Variants in CNTN5 observed in about 807,000 individuals in gnomAD.
The protein encoded by CNTN5 is contactin 5.
CNTN5 carries 77 observed loss-of-function variants against 129.1 expected under a neutral mutation model. The ratio of observed to expected loss-of-function variants is 0.60; its 90% CI spans 0.50 to 0.72. The LOEUF (loss-of-function observed/expected upper bound fraction) is 0.72. CNTN5 is among the 30% of genes least tolerant of loss of function. The pLI, the probability that CNTN5 is intolerant of heterozygous loss-of-function variation, is 0.00. For synonymous variants in CNTN5, 509 were observed against 465.6 expected, an observed-to-expected ratio of 1.09 and a Z score of -1.20; for missense variants, 1,478 against 1,328.8, an observed-to-expected ratio of 1.11 and a Z score of -1.75.
intron 3 of CNTN5, among the ~76,000 whole-genome samples, chr11:99,705,459 A>T (rs1291336930): frequency 6.6e-6 from 1 of 151,346 alleles, no homozygotes; most frequent in East Asian, 1.9e-4. Context: ...ACAACTACAG[A>T]GGTGATTGTG....
chr11:99,340,321 G>A (rs1226803957), intron 2 of CNTN5, among the ~76,000 whole-genome samples: 1 of 152,128 alleles, frequency 6.6e-6, no homozygotes, highest in African/African-American at 2.4e-5. Flanking sequence ...TGAGTTGTCT[G>A]GAGATATAAA....
At chr11:100,315,961 C>T (rs1422875523) in intron 21 of CNTN5, among the ~76,000 whole-genome samples, 1 of 152,134 alleles carries the variant, frequency 6.6e-6, no homozygotes, top group East Asian at 1.9e-4. Flanking sequence ...CATGAATAAC[C>T]ATGACTGTCC....
intron 6 of CNTN5, among the ~76,000 whole-genome samples, chr11:99,851,471 A>G (rs1947871631): frequency 6.6e-6 from 1 of 152,168 alleles, no homozygotes; most frequent in African/African-American, 2.4e-5. Flanking sequence ...ACCATATAAA[A>G]CTTTGTCACT....
intron 3 of CNTN5, among the ~76,000 whole-genome samples, chr11:99,568,312 T>C (rs1306813290): frequency 6.6e-6 from 1 of 152,224 alleles, no homozygotes; most frequent in African/African-American, 2.4e-5. Flanking sequence ...TATTATAAAG[T>C]AATGCTCCAA....
chr11:99,654,861 C>T (rs1273633103), intron 3 of CNTN5, among the ~76,000 whole-genome samples: 1 of 150,924 alleles, frequency 6.6e-6, no homozygotes, highest in South Asian at 2.1e-4. Flanking sequence ...ATGTACACAG[C>T]AAGTCAGTGT....
intron 20 of CNTN5, among the ~76,000 whole-genome samples, chr11:100,304,610 C>T (rs149563582): frequency 1.3e-5 from 2 of 151,636 alleles, no homozygotes; most frequent in Non-Finnish European, 1.5e-5. Context: ...CCAACACAAA[C>T]ATTCTTGAGA....
At chr11:99,970,266 A>G (rs984884495) in intron 8 of CNTN5, among the ~76,000 whole-genome samples, 4 of 152,212 alleles carry the variant, frequency 2.6e-5, no homozygotes, top group Non-Finnish European at 2.9e-5. Flanking sequence ...TGTCAAAAAC[A>G]TTGCCATATT....
At chr11:99,181,506 G>A (rs911107518) in intron 1 of CNTN5, among the ~76,000 whole-genome samples, 78 of 152,202 alleles carry the variant, frequency 5.1e-4, no homozygotes, top group African/African-American at 1.7e-3. Flanking sequence ...GGGGCCTCCC[G>A]CGGCAACTCC....
intron 2 of CNTN5, among the ~76,000 whole-genome samples, chr11:99,385,889 G>C (rs556739684): frequency 6.6e-6 from 1 of 152,026 alleles, no homozygotes; most frequent in South Asian, 2.1e-4. Flanking sequence ...TCCTCATGTT[G>C]TCAAAATGAC....
At chr11:99,262,007 A>G (rs1322192274) in intron 1 of CNTN5, among the ~76,000 whole-genome samples, 1 of 152,028 alleles carries the variant, frequency 6.6e-6, no homozygotes, top group African/African-American at 2.4e-5. Flanking sequence ...AGCTTCTGAA[A>G]TTAAGGTTTA....
intron 8 of CNTN5, among the ~76,000 whole-genome samples, chr11:99,975,086 C>G (rs1208700933): frequency 1.3e-5 from 2 of 152,182 alleles, no homozygotes; most frequent in Non-Finnish European, 2.9e-5. Flanking sequence ...GCAGGCCCTT[C>G]TGATTTTGCC....
chr11:100,185,999 C>A (rs1948290933), intron 13 of CNTN5, among the ~76,000 whole-genome samples: 1 of 152,094 alleles, frequency 6.6e-6, no homozygotes, highest in South Asian at 2.1e-4. Flanking sequence ...TACTTCCAGG[C>A]AAGCAGTCTA....
intron 18 of CNTN5, among the ~76,000 whole-genome samples, chr11:100,295,631 G>C (rs1273989594): frequency 6.6e-6 from 1 of 151,304 alleles, no homozygotes; most frequent in Non-Finnish European, 1.5e-5. Context: ...GTTGACTAGA[G>C]AGCCTAGAGC....
intron 3 of CNTN5, among the ~76,000 whole-genome samples, chr11:99,647,486 T>G (rs1157294714): frequency 2.6e-5 from 4 of 152,088 alleles, no homozygotes; most frequent in Admixed American, 2.6e-4. Flanking sequence ...CTTTCAGTCT[T>G]GTTCTTTTTG....
chr11:99,452,697 T>G (rs1944353203), intron 2 of CNTN5, among the ~76,000 whole-genome samples: 1 of 152,072 alleles, frequency 6.6e-6, no homozygotes, highest in Admixed American at 6.6e-5. Flanking sequence ...ATCACCAGTT[T>G]GTAGAATGTC....
chr11:99,519,196 T>C (rs1398955110), intron 2 of CNTN5, among the ~76,000 whole-genome samples: 10 of 152,040 alleles, frequency 6.6e-5, no homozygotes, highest in Non-Finnish European at 1.3e-4. Flanking sequence ...GGAATTCCCT[T>C]TTATTGCTTT....
intron 20 of CNTN5, among the ~76,000 whole-genome samples, chr11:100,303,005 T>C (rs887319977): frequency 6.6e-6 from 1 of 151,496 alleles, no homozygotes; most frequent in Non-Finnish European, 1.5e-5. Flanking sequence ...TCAGAAAAAG[T>C]TTCAAATGGT....
chr11:99,612,472 G>T (rs1473401228), intron 3 of CNTN5, among the ~76,000 whole-genome samples: 4 of 152,126 alleles, frequency 2.6e-5, no homozygotes, highest in Non-Finnish European at 5.9e-5. Context: ...CCTGTACTAT[G>T]TAAAAACCCT....
intron 3 of CNTN5, among the ~76,000 whole-genome samples, chr11:99,622,483 A>G (rs1412215657): frequency 6.6e-6 from 1 of 152,166 alleles, no homozygotes. Context: ...AAAGTAGAAA[A>G]TTCTGATTAT....
Sources: allele counts gnomAD v4.1 joint callset (sites outside exome capture counted in the v4.1 genomes callset), GRCh38; gene constraint gnomAD v4.1.1; transcripts MANE v1.5; gene names NCBI Gene and HGNC (gene_info 2026-07-23, HGNC 2026-07-21).